Variants in DGKA observed in about 807,000 individuals in gnomAD.
DGKA encodes diacylglycerol kinase alpha, also known as 80 kDa diacylglycerol kinase.
A neutral mutation model predicts 105.0 loss-of-function variants in DGKA; 35 were observed. The ratio of observed to expected loss-of-function variants is 0.33; its 90% CI spans 0.25 to 0.44. The LOEUF (loss-of-function observed/expected upper bound fraction) is 0.44. Among genes scored for constraint, DGKA ranks in the 20% least tolerant of loss-of-function variants. The probability of loss-of-function intolerance (pLI) is 1.00; values close to 1 mark genes in which losing one functional copy is unlikely to be tolerated. For synonymous variants in DGKA, 296 were observed against 332.0 expected (o/e 0.89, Z 1.18); for missense variants, 665 against 915.0 (o/e 0.73, Z 3.53).
At position 55,932,201 on chromosome 12, in the gene DGKA, C is replaced by G. The variant is rs1883716111; in HGVS notation, c.-82+857C>G. The G allele has an allele frequency of 6.5e-6, 2 of 310,070 alleles. No individual in the cohort carries two copies. Among genetic ancestry groups the G allele is most frequent in the East Asian group, 1.5e-4 (2 of 13,530 alleles). The allele number at this position is 310,070 out of a possible 1,614,324, so 19.2% of individuals were successfully genotyped here. On this transcript the variant is annotated intron_variant, in intron 1 of 23. Transcript: ENST00000331886. The surrounding 1 kb of genome is among the most constrained non-coding windows in gnomAD (Gnocchi z 4.3). ...CAGGGGTAGGGAAGCCGAGGACCCA[C>G]GGGCTGCGTTCGTGCTGCTGGGTCG... is the stretch of plus-strand genomic sequence containing the variant.
intron 17 of DGKA, among the ~76,000 whole-genome samples, chr12:55,943,656 T>C (rs1886457415): frequency 1.3e-5 from 2 of 149,910 alleles, no homozygotes; most frequent in Admixed American, 6.7e-5. Context: ...TCTTTTCTCT[T>C]TTTTTTTTAA....
At chr12:55,928,708 T>TAAAAAAA (rs1883248425), upstream of DGKA, among the ~76,000 whole-genome samples, 1 of 66,448 alleles carries the variant, frequency 1.5e-5, no homozygotes, top group Non-Finnish European at 3.1e-5. Context: ...AAAAAAAAAC[T>TAAAAAAA]AAAAAACTGA....
rs1227448432 is a variant in DGKA at position 55,952,306 on chromosome 12, C to T, written c.1653-35C>T. ...CCCTGCCAGCACTGTGTAACCTGTC[C>T]CTCCCTACTGGGCCTTGTGTTGGGG... On this transcript the variant is annotated intron_variant, in intron 19 of 23. Coordinates refer to ENST00000331886, the MANE Select transcript of DGKA (RefSeq NM_001345.5). This position sits in a 1 kb window ranked among gnomAD's most constrained non-coding sequence, Gnocchi z 5.1. 6.2e-7 allele frequency: 1 copy of T among 1,604,346 alleles called. No homozygotes were observed. Among genetic ancestry groups the T allele is most frequent in the Non-Finnish European group, 8.5e-7 (1 of 1,171,312 alleles).
At chr12:55,941,070 G>C in intron 13 of DGKA, 90 bp downstream of exon 13, 1 of 1,447,748 alleles carries the variant, frequency 6.9e-7, no homozygotes, top group South Asian at 1.2e-5. Flanking sequence ...GAGCCTGGTG[G>C]GGAGCGGTTG....
intron 17 of DGKA, among the ~76,000 whole-genome samples, chr12:55,946,972 C>T: frequency 6.8e-6 from 1 of 147,028 alleles, no homozygotes; most frequent in African/African-American, 2.5e-5. Context: ...TTTTTCTTTT[C>T]TTCCTTTCTT....
intron 17 of DGKA, 55 bp downstream of exon 17, chr12:55,942,318 A>T: frequency 6.5e-7 from 1 of 1,547,644 alleles, no homozygotes; most frequent in South Asian, 1.1e-5. Context: ...GTAGGAAGGG[A>T]AAGGCACTTA....
chr12:55,941,444 G>A lies in DGKA; in HGVS notation c.1176-66G>A, dbSNP rs887591774. On this transcript the variant is annotated intron_variant, in intron 14 of 23. Coordinates refer to ENST00000331886, the MANE Select transcript of DGKA (RefSeq NM_001345.5). ...ATACCTTGAGGAACACACAAAGAGG[G>A]TGAGGTTCAGAAGATCACCCCCAAC... 20 of 1,591,178 alleles carry A rather than the reference G, an allele frequency of 1.3e-5. No individual in the cohort carries two copies. The African/African-American group carries it at 2.1e-4, about 17-fold the overall frequency.
Position 55,936,006 on chromosome 12 carries a change from G to C in DGKA, c.-81-417G>C. ...GAACTGCCGGAACTGCCGAAGACCC[G>C]AGATGGGAGAGAGCTCAGGATGGGG... On this transcript the variant is annotated intron_variant, in intron 1 of 23. Transcript: ENST00000331886. 4 of 989,804 alleles carry C rather than the reference G, an allele frequency of 4.0e-6. No homozygotes were observed. In the South Asian group the frequency reaches 1.8e-4, roughly 46 times the overall value. The allele number at this position is 989,804 out of a possible 1,614,324, so 61.3% of individuals were successfully genotyped here.
Position 55,937,390 on chromosome 12 carries a change from T to C in DGKA, c.139-18T>C. On this transcript the variant is annotated intron_variant, in intron 3 of 23. Coordinates refer to ENST00000331886, the MANE Select transcript of DGKA (RefSeq NM_001345.5). ...TGACCTTGCAGACTCCCCAGGATAA[T>C]GCTCACTCTCATTATAGGCCATTGG... is the stretch of plus-strand genomic sequence containing the variant. The C allele has an allele frequency of 1.9e-6, 3 of 1,612,580 alleles. No homozygotes were observed. The highest frequency in any genetic ancestry group is 1.3e-5 in the African/African-American group (1 of 75,056).
intron 5 of DGKA, chr12:55,938,292 T>C (rs1037657868): frequency 4.1e-5 from 29 of 699,616 alleles, no homozygotes; most frequent in African/African-American, 7.2e-5. Flanking sequence ...AGGATGTCCT[T>C]GGGATATGGA....
intron 3 of DGKA, 123 bp from the exon 4 acceptor site, chr12:55,937,285 C>G (rs1262776347): frequency 7.7e-7 from 1 of 1,304,332 alleles, no homozygotes; most frequent in African/African-American, 1.5e-5. Flanking sequence ...TCAAAGAAAC[C>G]ATACTCCTGC....
At position 55,940,500 on chromosome 12, in the gene DGKA, C is replaced by T; in HGVS notation, c.918+67C>T. 1 of 1,595,776 alleles carries T rather than the reference C, an allele frequency of 6.3e-7. No individual in the cohort carries two copies. Among genetic ancestry groups the T allele is most frequent in the Non-Finnish European group, 8.5e-7 (1 of 1,170,576 alleles). On this transcript the variant is annotated intron_variant, in intron 11 of 23. Coordinates refer to ENST00000331886, the MANE Select transcript of DGKA (RefSeq NM_001345.5). The surrounding 1 kb of genome is among the most constrained non-coding windows in gnomAD (Gnocchi z 4.3). ...CAGAGCTGCCTTCTCCACGGGCCTC[C>T]GGCCACACCTCCTTTACAGGCACAG...
chr12:55,953,280 C>G (rs953237053), intron 22 of DGKA, 70 bp from the exon 23 acceptor site: 10 of 1,611,622 alleles, frequency 6.2e-6, no homozygotes, highest in Admixed American at 5.0e-5. Context: ...GGTCTCAAAG[C>G]CAACCTAAGA....
upstream of DGKA, chr12:55,927,323 C>G (rs1883211845): frequency 1.3e-6 from 1 of 783,836 alleles, no homozygotes; most frequent in Non-Finnish European, 2.2e-6. Flanking sequence ...GATACCATTA[C>G]TGAGCGCTTG....
intron 1 of DGKA, chr12:55,935,715 C>A (rs1419229264): frequency 5.5e-6 from 1 of 181,446 alleles, no homozygotes; most frequent in Non-Finnish European, 1.1e-5. Context: ...AGAGTCTCTT[C>A]CCCTGCCTCT....
Position 55,937,960 on chromosome 12 carries a change from C to G in DGKA, c.275-18C>G. ...AGTGGAGGGAGCCCTGACTTCTGAT[C>G]TGCTTTTTTGTAACCAGATGTGGTG... On this transcript the variant is annotated intron_variant, in intron 4 of 23. Coordinates refer to ENST00000331886, the MANE Select transcript of DGKA (RefSeq NM_001345.5). 6.2e-7 allele frequency: 1 copy of G among 1,613,024 alleles called. No homozygotes were observed. Among genetic ancestry groups the G allele is most frequent in the Non-Finnish European group, 8.5e-7 (1 of 1,179,392 alleles).
rs1885658557 is a variant in DGKA, at chr12:55,940,388, C to T, written c.873C>T (p.Ile291=). The change falls in exon 11 of 24, where the codon ATC becomes ATT. Residue 291 remains isoleucine, a synonymous_variant. Transcript: ENST00000331886. This position sits in a 1 kb window ranked among gnomAD's most constrained non-coding sequence, Gnocchi z 4.3. ...ACCGCTGTCAGAAAAAGATCCGGAT[C>T]TACCACAGTCTGACCGGGCTGCATT... The part of the protein sequence containing the change: ...RCDRCQKKIR[I]YHSLTGLHCV... The T allele has an allele frequency of 1.2e-6, 2 of 1,614,254 alleles. No homozygotes were observed. The highest frequency in any genetic ancestry group is 1.1e-5 in the South Asian group (1 of 91,088).
At chr12:55,927,785 T>C (rs1386221950), upstream of DGKA, 1 of 1,537,104 alleles carries the variant, frequency 6.5e-7, no homozygotes, top group Non-Finnish European at 8.7e-7. Flanking sequence ...GCGGACCAGG[T>C]TGGGCGGGCG....
At chr12:55,939,587 C>T in intron 9 of DGKA, 58 bp downstream of exon 9, 1 of 1,544,732 alleles carries the variant, frequency 6.5e-7, no homozygotes, top group Non-Finnish European at 8.9e-7. Flanking sequence ...TCTGTGGGAG[C>T]TTGATGCTGT....
Sources: gnomAD v4.1 joint callset for allele counts (sites outside exome capture counted in the v4.1 genomes callset) on GRCh38, gnomAD v4.1.1 for gene constraint, Gnocchi (gnomAD v3.1) non-coding constraint, MANE v1.5 for transcripts, NCBI Gene and HGNC (gene_info 2026-07-23, HGNC 2026-07-21) for gene names.